Variants in GSE1 observed in about 807,000 individuals in gnomAD.
The protein encoded by GSE1 is genetic suppressor element 1.
GSE1 carries 32 observed loss-of-function variants against 112.6 expected under a neutral mutation model. The observed-to-expected ratio is 0.28, with a 90% CI of 0.21 to 0.38. The LOEUF is 0.38. GSE1 is among the 10% of genes least tolerant of loss of function. GSE1 has a pLI of 1.00. For synonymous variants in GSE1, 1,115 were observed against 735.6 expected, an observed-to-expected ratio of 1.52 and a Z score of -8.35; for missense variants, 2,348 against 1,699.2, an observed-to-expected ratio of 1.38 and a Z score of -6.71.
At chr16:85,604,002 A>C (rs1449271626) in intron 1 of GSE1, among the ~76,000 whole-genome samples, 1 of 152,198 alleles carries the variant, frequency 6.6e-6, no homozygotes, top group African/African-American at 2.4e-5. Context: ...CAGGCCCTGC[A>C]GGAAGCATGG....
chr16:85,297,683 T>A (rs2045407127), intron 1 of GSE1, among the ~76,000 whole-genome samples: 1 of 152,130 alleles, frequency 6.6e-6, no homozygotes, highest in Admixed American at 6.5e-5. Flanking sequence ...TTCCTTTTCT[T>A]TTTTATCTTT....
At chr16:85,310,475 C>T (rs903124948) in intron 1 of GSE1, among the ~76,000 whole-genome samples, 18 of 151,610 alleles carry the variant, frequency 1.2e-4, no homozygotes, top group African/African-American at 4.4e-4. Context: ...CTCCCTCCCT[C>T]CCCTCCCCTG....
rs1030930317 is a variant in GSE1 at position 85,453,418 on chromosome 16, C to T, written c.2464+95775C>T. Among the ~76,000 whole-genome samples the T allele has an allele frequency of 5.9e-5, 9 of 152,116 alleles. No homozygotes were observed. In the South Asian group the frequency reaches 1.7e-3, roughly 28 times the overall value. ...GACAGTGCATGCCGGGGTGGCTGGA[C>T]GTAGGAAGCAAGGCAGCAGGGAGGG... On this transcript the variant is annotated intron_variant, in intron 2 of 2. Coordinates refer to the GSE1 transcript ENST00000637419.
At chr16:85,400,189 C>T (rs925386093) in intron 2 of GSE1, among the ~76,000 whole-genome samples, 30 of 152,224 alleles carry the variant, frequency 2.0e-4, no homozygotes, top group African/African-American at 6.3e-4. Context: ...CCCACAGGCC[C>T]TCCCCTCCCT....
intron 2 of GSE1, among the ~76,000 whole-genome samples, chr16:85,388,981 A>G (rs1451244782): frequency 6.6e-6 from 1 of 152,216 alleles, no homozygotes; most frequent in African/African-American, 2.4e-5. Context: ...CATGAAGGAA[A>G]AAAAAGAGAG....
intron 1 of GSE1, among the ~76,000 whole-genome samples, chr16:85,315,424 TG>T (rs1232722071): frequency 3.3e-5 from 5 of 152,120 alleles, no homozygotes; most frequent in Admixed American, 3.3e-4. Flanking sequence ...TGCAGAGCCC[TG>T]GGGGTCAGGA....
rs143102467 is a variant in GSE1 at position 85,487,150 on chromosome 16, G to A, written c.2464+129507G>A. Among the ~76,000 whole-genome samples, 223 of 152,252 alleles carry A rather than the reference G, an allele frequency of 1.5e-3. 1 individual carries two copies. The highest frequency in any genetic ancestry group is 5.1e-3 in the African/African-American group (210 of 41,544). On this transcript the variant is annotated intron_variant, in intron 2 of 2. Transcript: ENST00000637419. ...TTGGGAAAAGAGGGGAAGCAAAACGGGAGCAGAAGAGATTGTCCTGCTCGA... is the reference window on the plus strand; with the variant it reads ...TTGGGAAAAGAGGGGAAGCAAAACGAGAGCAGAAGAGATTGTCCTGCTCGA...
chr16:85,472,699 C>T (rs962603208), intron 2 of GSE1, among the ~76,000 whole-genome samples: 1 of 152,250 alleles, frequency 6.6e-6, no homozygotes, highest in African/African-American at 2.4e-5. Context: ...GACCCTGCTG[C>T]TGTCTGCGGC....
chr16:85,467,185 T>C (rs911728745), intron 2 of GSE1, among the ~76,000 whole-genome samples: 65 of 152,300 alleles, frequency 4.3e-4, no homozygotes, highest in African/African-American at 1.3e-3. Flanking sequence ...GTCTTCACCC[T>C]TGCCTGACTG....
chr16:85,645,556 C>T (rs1190111781), intron 2 of GSE1, among the ~76,000 whole-genome samples: 1 of 150,334 alleles, frequency 6.7e-6, no homozygotes, highest in Non-Finnish European at 1.5e-5. Flanking sequence ...GTTTCCACAT[C>T]GGGATGCCTG....
chr16:85,361,940 C>T (rs1315467955), intron 2 of GSE1, among the ~76,000 whole-genome samples: 1 of 152,200 alleles, frequency 6.6e-6, no homozygotes, highest in Non-Finnish European at 1.5e-5. Flanking sequence ...CAGAGTGGGG[C>T]CACTCCCGGG....
At chr16:85,522,703 G>A (rs1438917465) in intron 2 of GSE1, among the ~76,000 whole-genome samples, 2 of 152,172 alleles carry the variant, frequency 1.3e-5, no homozygotes, top group African/African-American at 4.8e-5. Flanking sequence ...GTGCTCGTGT[G>A]GGTGTCTGTG....
intron 1 of GSE1, among the ~76,000 whole-genome samples, chr16:85,181,034 T>C (rs1337542974): frequency 1.3e-5 from 2 of 152,242 alleles, no homozygotes; most frequent in South Asian, 2.1e-4. Flanking sequence ...AGAAAGAACA[T>C]GTGTTTCATG....
At position 85,384,280 on chromosome 16, in the gene GSE1, G is replaced by A. The variant is rs908812622; in HGVS notation, c.2464+26637G>A. ...CACGTGCCTTGCTCTGTGTGGGTGC[G>A]GCCGGGTGGCGAGCGGCCCATCCTG... On this transcript the variant is annotated intron_variant, in intron 2 of 2. Coordinates refer to the GSE1 transcript ENST00000637419. Among the ~76,000 whole-genome samples, 13 of 152,274 alleles carry A rather than the reference G, an allele frequency of 8.5e-5. 2 individuals are homozygous for A. The South Asian group carries it at 1.9e-3, about 22-fold the overall frequency.
At chr16:85,316,733 A>T (rs549996601) in intron 1 of GSE1, among the ~76,000 whole-genome samples, 16 of 152,328 alleles carry the variant, frequency 1.1e-4, no homozygotes, top group African/African-American at 3.8e-4. Flanking sequence ...GGGGCTCCGC[A>T]GGGGTTACCA....
Position 85,663,021 on chromosome 16 carries a change from TGAG to T in GSE1, c.2309_2311del (p.Glu770del), listed in dbSNP as rs759452846. The T allele has an allele frequency of 4.3e-6, 7 of 1,613,142 alleles. No homozygotes were observed. The highest frequency in any genetic ancestry group is 2.2e-5 in the South Asian group (2 of 91,076). ...TCGATGACTCTTACGACGAGAGCGA[TGAG>T]GAGGAGGTCAGGGCCCACCTCCGTT... On this transcript the variant is annotated inframe_deletion, in exon 10 of 16. Coordinates refer to ENST00000253458, the MANE Select transcript of GSE1 (RefSeq NM_014615.5).
chr16:85,511,584 A>C (rs1310491234), intron 2 of GSE1, among the ~76,000 whole-genome samples: 1 of 151,656 alleles, frequency 6.6e-6, no homozygotes, highest in Non-Finnish European at 1.5e-5. Context: ...TGATGCCCTG[A>C]ACCTGTGTAT....
chr16:85,584,654 T>A (rs889322576), intron 1 of GSE1, among the ~76,000 whole-genome samples: 1 of 152,164 alleles, frequency 6.6e-6, no homozygotes. Context: ...GGCTGGTACT[T>A]GGTACTGCTT....
chr16:85,522,483 C>A (rs28472499), intron 2 of GSE1, among the ~76,000 whole-genome samples: 1 of 152,060 alleles, frequency 6.6e-6, no homozygotes, highest in East Asian at 1.9e-4. Flanking sequence ...ACCGACTCAC[C>A]CCCGCGTTTC....
Sources: allele counts gnomAD v4.1 joint callset (sites outside exome capture counted in the v4.1 genomes callset), GRCh38; gene constraint gnomAD v4.1.1; transcripts MANE v1.5; gene names NCBI Gene and HGNC (gene_info 2026-07-23, HGNC 2026-07-21).